XRCC4: variants seen among roughly 807,000 people sequenced by gnomAD.
XRCC4 encodes the protein X-ray repair cross complementing 4.
A neutral mutation model predicts 39.1 loss-of-function variants in XRCC4; 28 were observed. The ratio of observed to expected loss-of-function variants is 0.72; its 90% CI spans 0.53 to 0.98. The LOEUF is 0.98. Ranked by LOEUF, XRCC4 falls within the 50% of genes least tolerant of loss-of-function variation. The pLI, the probability that XRCC4 is intolerant of heterozygous loss-of-function variation, is 0.00. For synonymous variants in XRCC4, 123 were observed against 126.4 expected (o/e 0.97, Z 0.18); for missense variants, 350 against 376.4 (o/e 0.93, Z 0.58).
At chr5:83,323,889 T>C (rs538328962) in intron 7 of XRCC4, among the ~76,000 whole-genome samples, 19 of 152,196 alleles carry the variant, frequency 1.2e-4, no homozygotes, top group Admixed American at 1.0e-3. Flanking sequence ...GTATCAGTGA[T>C]TTAGCAATGA....
intron 7 of XRCC4, among the ~76,000 whole-genome samples, chr5:83,266,676 A>C (rs1481817904): frequency 2.0e-5 from 3 of 152,146 alleles, no homozygotes; most frequent in African/African-American, 7.2e-5. Flanking sequence ...TTTAGGACAT[A>C]GTATTTTGTT....
chr5:83,118,622 A>G (rs898395705), intron 3 of XRCC4, among the ~76,000 whole-genome samples: 1 of 152,184 alleles, frequency 6.6e-6, no homozygotes, highest in Non-Finnish European at 1.5e-5. Flanking sequence ...CCCAAATTTG[A>G]TACATTCCTT....
chr5:83,348,580 AC>A (rs1014680186), intron 7 of XRCC4, among the ~76,000 whole-genome samples: 28 of 152,228 alleles, frequency 1.8e-4, no homozygotes, highest in Non-Finnish European at 4.4e-5. Flanking sequence ...GGGCTGGCCC[AC>A]AAAACCATTC....
the XRCC4 span, among the ~76,000 whole-genome samples, chr5:83,362,294 C>CAAAAAAAAAAAAA: frequency 1.4e-5 from 1 of 73,184 alleles, no homozygotes; most frequent in African/African-American, 5.5e-5. Flanking sequence ...GCTATTTAGG[C>CAAAAAAAAAAAAA]AAAAAAAAAA....
In XRCC4 at chr5:83,237,258, T is replaced by G. The variant is rs74430343; in HGVS notation, c.746-21272T>G. Among the ~76,000 whole-genome samples, 435 of 152,180 alleles carry G rather than the reference T, an allele frequency of 2.9e-3. 12 individuals carry two copies. The East Asian group carries it at 0.072, about 25-fold the overall frequency. ...CAGTATATCAAAGTGATACCTTTAT[T>G]CTCATGCTTATTGCAACACTGTTCA... On this transcript the variant is annotated intron_variant, in intron 6 of 7. Transcript: ENST00000396027.
chr5:83,316,430 C>T (rs367996366), intron 7 of XRCC4, among the ~76,000 whole-genome samples: 5 of 150,856 alleles, frequency 3.3e-5, no homozygotes, highest in African/African-American at 4.9e-5. Flanking sequence ...GAGTCAAGAC[C>T]CATCAGTGTG....
chr5:83,118,023 T>C (rs1211912217), intron 3 of XRCC4, among the ~76,000 whole-genome samples: 10 of 135,008 alleles, frequency 7.4e-5, no homozygotes, highest in Non-Finnish European at 1.5e-5. Context: ...TACATATATA[T>C]ATGTGTATGT....
chr5:83,088,733 A>G (rs1309773151), intron 1 of XRCC4, among the ~76,000 whole-genome samples: 1 of 152,170 alleles, frequency 6.6e-6, no homozygotes, highest in African/African-American at 2.4e-5. Context: ...ATTATTCATG[A>G]TAGTTCTGTA....
chr5:83,203,730 G>T, intron 5 of XRCC4, 23 bp downstream of exon 5: 1 of 1,605,800 alleles, frequency 6.2e-7, no homozygotes, highest in South Asian at 1.1e-5. Flanking sequence ...TCTTGTTTTT[G>T]GATGACAGAT....
At chr5:83,163,355 T>C (rs970380253) in intron 3 of XRCC4, among the ~76,000 whole-genome samples, 1 of 152,208 alleles carries the variant, frequency 6.6e-6, no homozygotes, top group African/African-American at 2.4e-5. Context: ...AGGGTTACTT[T>C]CTTTTAAATT....
At chr5:83,229,269 G>A (rs1454508257) in intron 6 of XRCC4, among the ~76,000 whole-genome samples, 2 of 151,984 alleles carry the variant, frequency 1.3e-5, no homozygotes, top group Non-Finnish European at 2.9e-5. Flanking sequence ...ACTGATGTAT[G>A]CCATGATCCT....
the XRCC4 span, among the ~76,000 whole-genome samples, chr5:83,370,068 T>C: frequency 1.3e-5 from 2 of 152,156 alleles, no homozygotes; most frequent in Non-Finnish European, 1.5e-5. Context: ...AAACCTAGAC[T>C]ATATTGCCAC....
intron 3 of XRCC4, among the ~76,000 whole-genome samples, chr5:83,163,638 CTA>C (rs1329561201): frequency 6.6e-6 from 1 of 152,166 alleles, no homozygotes; most frequent in African/African-American, 2.4e-5. Context: ...TCCTACGAGT[CTA>C]TGACAGGGAA....
chr5:83,157,212 A>C (rs1348138818), intron 3 of XRCC4, among the ~76,000 whole-genome samples: 1 of 152,080 alleles, frequency 6.6e-6, no homozygotes, highest in Non-Finnish European at 1.5e-5. Context: ...CAGAGGAAAG[A>C]CCATCAGATA....
At chr5:83,118,973 A>G (rs1345690274) in intron 3 of XRCC4, among the ~76,000 whole-genome samples, 1 of 152,194 alleles carries the variant, frequency 6.6e-6, no homozygotes, top group Non-Finnish European at 1.5e-5. Flanking sequence ...GTATCTTACT[A>G]TATTTTAGAA....
At chr5:83,167,056 A>G (rs1036758763) in intron 3 of XRCC4, among the ~76,000 whole-genome samples, 3 of 151,200 alleles carry the variant, frequency 2.0e-5, no homozygotes, top group African/African-American at 7.3e-5. Context: ...TAATTTTTCT[A>G]TTTTTAGTAG....
chr5:83,299,280 C>T lies in XRCC4; in HGVS notation c.893+40603C>T, dbSNP rs919671486. On this transcript the variant is annotated intron_variant, in intron 7 of 7. Transcript: ENST00000396027. ...AAGTTGGCCAACAGTTTCACAATCACTCCTTTGGCGGTAATCCATCTTTTC... is the reference window on the plus strand; with the variant it reads ...AAGTTGGCCAACAGTTTCACAATCATTCCTTTGGCGGTAATCCATCTTTTC... 2.6e-4 allele frequency among the ~76,000 whole-genome samples: 40 copies of T among 152,258 alleles called. 1 individual carries two copies. The highest frequency in any genetic ancestry group is 9.4e-4 in the African/African-American group (39 of 41,572).
intron 3 of XRCC4, among the ~76,000 whole-genome samples, chr5:83,133,641 C>T (rs1343151997): frequency 1.3e-5 from 2 of 152,184 alleles, no homozygotes; most frequent in Non-Finnish European, 2.9e-5. Flanking sequence ...TCTCAGATTG[C>T]TGTTCTAGCA....
chr5:83,298,822 T>C (rs754507243), intron 7 of XRCC4, among the ~76,000 whole-genome samples: 4 of 152,030 alleles, frequency 2.6e-5, no homozygotes, highest in Non-Finnish European at 5.9e-5. Context: ...AGGAGTCTTC[T>C]GATTTGGAAG....
Sources: allele counts gnomAD v4.1 joint callset (sites outside exome capture counted in the v4.1 genomes callset), GRCh38; gene constraint gnomAD v4.1.1; transcripts MANE v1.5; gene names NCBI Gene and HGNC (gene_info 2026-07-23, HGNC 2026-07-21).